ADCY2: variants seen among roughly 807,000 people sequenced by gnomAD.
ADCY2 encodes adenylate cyclase type 2.
A neutral mutation model predicts 125.2 loss-of-function variants in ADCY2; 31 were observed. That is an observed-to-expected ratio of 0.25 (90% CI 0.19 to 0.33). The LOEUF is 0.33. ADCY2 is among the 10% of genes least tolerant of loss of function. The probability of loss-of-function intolerance (pLI) is 1.00; values close to 1 mark genes in which losing one functional copy is unlikely to be tolerated. For synonymous variants in ADCY2, 512 were observed against 548.4 expected, an observed-to-expected ratio of 0.93 and a Z score of 0.93; for missense variants, 904 against 1,418.2, an observed-to-expected ratio of 0.64 and a Z score of 5.82.
chr5:7,777,780 C>T (rs1743788965), intron 18 of ADCY2, among the ~76,000 whole-genome samples: 1 of 152,060 alleles, frequency 6.6e-6, no homozygotes, highest in Non-Finnish European at 1.5e-5. Flanking sequence ...AACTTCGTAT[C>T]GATGAATAGT....
At chr5:7,425,478 T>G (rs535671575) in intron 2 of ADCY2, among the ~76,000 whole-genome samples, 1 of 152,364 alleles carries the variant, frequency 6.6e-6, no homozygotes, top group Non-Finnish European at 1.5e-5. Context: ...TATGTACCCA[T>G]GCAGGCATGC....
rs551116671 is a variant in ADCY2, at chr5:7,825,211, C to T, written c.3124-1508C>T. On this transcript the variant is annotated intron_variant, in intron 24 of 24. Coordinates refer to ENST00000338316, the MANE Select transcript of ADCY2 (RefSeq NM_020546.3). ...ACAACGCTGCTGTGCGCCACGACAA[C>T]GCTGCTGTGCGCCACGACAACGCTG... 6.3e-3 allele frequency among the ~76,000 whole-genome samples: 953 copies of T among 152,172 alleles called. 6 individuals are homozygous for T. Among genetic ancestry groups the T allele is most frequent in the Non-Finnish European group, 9.4e-3 (641 of 67,978 alleles).
At chr5:7,770,003 C>T (rs559529394) in intron 17 of ADCY2, among the ~76,000 whole-genome samples, 1 of 152,276 alleles carries the variant, frequency 6.6e-6, no homozygotes, top group East Asian at 1.9e-4. Context: ...AGGACAGGCT[C>T]CCAGCCTGGT....
chr5:7,498,147 T>G (rs1743405344), intron 2 of ADCY2, among the ~76,000 whole-genome samples: 1 of 152,084 alleles, frequency 6.6e-6, no homozygotes, highest in Admixed American at 6.6e-5. Flanking sequence ...ATGTAAATGT[T>G]ATAATTTCTG....
intron 17 of ADCY2, among the ~76,000 whole-genome samples, chr5:7,770,879 G>A (rs1187568130): frequency 2.6e-5 from 4 of 152,114 alleles, no homozygotes; most frequent in Non-Finnish European, 4.4e-5. Context: ...ATCTATGACA[G>A]ACTAATGCTT....
intron 3 of ADCY2, among the ~76,000 whole-genome samples, chr5:7,526,370 G>T (rs911796120): frequency 1.3e-5 from 2 of 152,226 alleles, no homozygotes; most frequent in African/African-American, 4.8e-5. Flanking sequence ...AAAAATGCAG[G>T]TAGAGAGAAG....
intron 7 of ADCY2, among the ~76,000 whole-genome samples, chr5:7,701,435 A>G (rs1027666863): frequency 1.3e-5 from 2 of 152,122 alleles, no homozygotes; most frequent in Admixed American, 1.3e-4. Context: ...ATACTATTAC[A>G]TTTTTTACTG....
intron 18 of ADCY2, among the ~76,000 whole-genome samples, chr5:7,777,428 C>T (rs905528581): frequency 2.6e-5 from 4 of 152,206 alleles, no homozygotes; most frequent in Non-Finnish European, 1.5e-5. Context: ...GTCATGCTCT[C>T]GAACAATGGG....
chr5:7,739,944 C>G (rs550655643), intron 14 of ADCY2, among the ~76,000 whole-genome samples: 2 of 151,972 alleles, frequency 1.3e-5, no homozygotes, highest in African/African-American at 2.4e-5. Context: ...ACTTCATACC[C>G]AGATTATTTG....
chr5:7,412,618 GT>G (rs1231638536), intron 1 of ADCY2, among the ~76,000 whole-genome samples: 2 of 152,258 alleles, frequency 1.3e-5, no homozygotes, highest in Non-Finnish European at 2.9e-5. Context: ...AAAAATAGCA[GT>G]GGAGGGAGAG....
intron 3 of ADCY2, among the ~76,000 whole-genome samples, chr5:7,579,997 G>A (rs1736375238): frequency 6.6e-6 from 1 of 152,224 alleles, no homozygotes; most frequent in South Asian, 2.1e-4. Flanking sequence ...ATGATCCTAA[G>A]TGAATCGACA....
chr5:7,742,128 C>CAAAA (rs1207472213), intron 14 of ADCY2, among the ~76,000 whole-genome samples: 120 of 116,126 alleles, frequency 1.0e-3, no homozygotes, highest in African/African-American at 3.9e-3. Flanking sequence ...GCATAGTGCC[C>CAAAA]AAAAAAAAAA....
At chr5:7,702,388 C>T (rs761258433) in intron 7 of ADCY2, among the ~76,000 whole-genome samples, 1 of 151,904 alleles carries the variant, frequency 6.6e-6, no homozygotes, top group Non-Finnish European at 1.5e-5. Flanking sequence ...CTCCTCCCAC[C>T]CCACGACAGG....
intron 4 of ADCY2, among the ~76,000 whole-genome samples, chr5:7,681,708 A>T (rs1357313820): frequency 1.3e-5 from 2 of 152,086 alleles, no homozygotes; most frequent in East Asian, 3.9e-4. Flanking sequence ...GAGTTTGCCG[A>T]CAGTGTGGGA....
chr5:7,587,881 G>A (rs760638860), intron 3 of ADCY2, among the ~76,000 whole-genome samples: 28 of 152,188 alleles, frequency 1.8e-4, no homozygotes, highest in Non-Finnish European at 4.0e-4. Flanking sequence ...GACTGCTGAT[G>A]TCTCTTCTTC....
At chr5:7,642,500 A>G (rs554014975) in intron 4 of ADCY2, among the ~76,000 whole-genome samples, 1 of 152,060 alleles carries the variant, frequency 6.6e-6, no homozygotes, top group African/African-American at 2.4e-5. Context: ...ATTATTTTCT[A>G]TTGCTGTACA....
intron 14 of ADCY2, among the ~76,000 whole-genome samples, chr5:7,732,080 G>A (rs11738527): frequency 0.37 from 55,957 of 152,046 alleles, 12,336 homozygotes; most frequent in East Asian, 0.94. Context: ...CATCACTATG[G>A]GATAGATTTC....
At chr5:7,429,168 G>A (rs768245131) in intron 2 of ADCY2, among the ~76,000 whole-genome samples, 9 of 152,144 alleles carry the variant, frequency 5.9e-5, no homozygotes, top group African/African-American at 9.7e-5. Flanking sequence ...TCTGGTACTC[G>A]CACAGGCCCT....
chr5:7,737,635 A>G (rs1367653453), intron 14 of ADCY2, among the ~76,000 whole-genome samples: 1 of 152,186 alleles, frequency 6.6e-6, no homozygotes, highest in Non-Finnish European at 1.5e-5. Flanking sequence ...GAAATTACCA[A>G]CACACTTAGT....
Sources: allele counts gnomAD v4.1 joint callset (sites outside exome capture counted in the v4.1 genomes callset), GRCh38; gene constraint gnomAD v4.1.1; transcripts MANE v1.5; gene names NCBI Gene and HGNC (gene_info 2026-07-23, HGNC 2026-07-21).